Variants in COL7A1 observed in about 807,000 individuals in gnomAD.
COL7A1 encodes the protein collagen alpha-1(VII) chain.
In COL7A1, 296 loss-of-function variants were observed where a neutral mutation model predicts 456.2. The observed-to-expected ratio is 0.65, with a 90% CI of 0.59 to 0.71. The LOEUF (loss-of-function observed/expected upper bound fraction) is 0.71. Among genes scored for constraint, COL7A1 ranks in the 30% least tolerant of loss-of-function variants. The probability of loss-of-function intolerance (pLI) is 0.00; values close to 1 mark genes in which losing one functional copy is unlikely to be tolerated. For synonymous variants in COL7A1, 1,464 were observed against 1,525.9 expected, an observed-to-expected ratio of 0.96 and a Z score of 0.95; for missense variants, 3,441 against 4,017.2, an observed-to-expected ratio of 0.86 and a Z score of 3.88.
At position 48,575,772 on chromosome 3, in the gene COL7A1, G is replaced by A; in HGVS notation, c.5857-24C>T. 2 of 1,614,058 alleles carry A rather than the reference G, an allele frequency of 1.2e-6. No individual in the cohort carries two copies. On this transcript the variant is annotated intron_variant, in intron 72 of 118. Coordinates refer to ENST00000681320, the MANE Select transcript of COL7A1 (RefSeq NM_000094.4). This position sits in a 1 kb window ranked among gnomAD's most constrained non-coding sequence, Gnocchi z 6.3. ...GCCTGAGGGACAGCAAGAGGTCAGA[G>A]GAGCGGGGTGCGTCGCCGCAGCCCC... is the stretch of plus-strand genomic sequence containing the variant.
Position 48,583,792 on chromosome 3 carries a change from T to A in COL7A1, c.4279-12A>T. ...CTTCCGGGAAGACCCTAGGAAGAAGTGAGTAAAAATATGAGCCAAGAACTA... is the reference window on the plus strand; with the variant it reads ...CTTCCGGGAAGACCCTAGGAAGAAGAGAGTAAAAATATGAGCCAAGAACTA... On this transcript the variant is annotated splice_polypyrimidine_tract_variant and intron_variant, in intron 39 of 118. Transcript: ENST00000681320. This position sits in a 1 kb window ranked among gnomAD's most constrained non-coding sequence, Gnocchi z 5.1. 6.2e-7 allele frequency: 1 copy of A among 1,612,938 alleles called. No individual in the cohort carries two copies. The highest frequency in any genetic ancestry group is 8.5e-7 in the Non-Finnish European group (1 of 1,179,734).
chr3:48,576,724 T>C lies in COL7A1; in HGVS notation c.5652A>G (p.Gly1884=), dbSNP rs2044329545. ...CTGGGAGGCCTGGAGGCCCCTGGGG[T>C]CCAAGGATACCAGGAGCTCCACGCT... The part of the protein sequence containing the change: ...KGERGAPGIL[G]PQGPPGLPGP... Residue 1884 remains glycine (G), a synonymous_variant, in exon 68 of 119, where the codon GGA becomes GGG. Coordinates refer to ENST00000681320, the MANE Select transcript of COL7A1 (RefSeq NM_000094.4). 1.9e-6 allele frequency: 3 copies of C among 1,611,060 alleles called. No individual in the cohort carries two copies. The highest frequency in any genetic ancestry group is 1.7e-6 in the Non-Finnish European group (2 of 1,179,020).
At position 48,575,575 on chromosome 3, in the gene COL7A1, C is replaced by T; in HGVS notation, c.5980-36G>A. The T allele has an allele frequency of 6.2e-7, 1 of 1,612,476 alleles. No homozygotes were observed. Among genetic ancestry groups the T allele is most frequent in the Non-Finnish European group, 8.5e-7 (1 of 1,179,994 alleles). On this transcript the variant is annotated intron_variant, in intron 73 of 118. Coordinates refer to ENST00000681320, the MANE Select transcript of COL7A1 (RefSeq NM_000094.4). The surrounding 1 kb of genome is among the most constrained non-coding windows in gnomAD (Gnocchi z 6.3). ...GGAAGAGAGAATGCTGGTGGCTGTACAGCTACACCCCACTCCACGGGGCAC... is the reference window on the plus strand; with the variant it reads ...GGAAGAGAGAATGCTGGTGGCTGTATAGCTACACCCCACTCCACGGGGCAC...
chr3:48,570,252 G>A lies in COL7A1; in HGVS notation c.7440+23C>T. On this transcript the variant is annotated intron_variant, in intron 98 of 118. Coordinates refer to ENST00000681320, the MANE Select transcript of COL7A1 (RefSeq NM_000094.4). The surrounding 1 kb of genome is among the most constrained non-coding windows in gnomAD (Gnocchi z 5.5). The stretch of plus-strand genomic sequence containing the variant: ...CAAGAGCTGGGATGAAGGGAGTTCG[G>A]CTGTGGAGTAAGACATACGTACCCG... 6.2e-7 allele frequency: 1 copy of A among 1,613,912 alleles called. No individual in the cohort carries two copies. The highest frequency in any genetic ancestry group is 8.5e-7 in the Non-Finnish European group (1 of 1,179,936).
At position 48,578,436 on chromosome 3, in the gene COL7A1, T is replaced by C; in HGVS notation, c.5487+17A>G. 1 of 1,613,322 alleles carries C rather than the reference T, an allele frequency of 6.2e-7. No homozygotes were observed. Among genetic ancestry groups the C allele is most frequent in the Non-Finnish European group, 8.5e-7 (1 of 1,179,994 alleles). On this transcript the variant is annotated intron_variant, in intron 64 of 118. Coordinates refer to ENST00000681320, the MANE Select transcript of COL7A1 (RefSeq NM_000094.4). The surrounding 1 kb of genome is among the most constrained non-coding windows in gnomAD (Gnocchi z 4.7). ...TAGTAAGGGGGAAAAGGGGGTAACA[T>C]GAAAGTCTGGTCTCACCGGTAATCC...
chr3:48,571,110 TG>T lies in COL7A1; in HGVS notation c.7154del (p.Pro2385GlnfsTer3), dbSNP rs909040709. On this transcript the variant is annotated frameshift_variant, in exon 94 of 119. Transcript: ENST00000681320. LOFTEE classifies it high-confidence loss of function. The surrounding 1 kb of genome is among the most constrained non-coding windows in gnomAD (Gnocchi z 4.6). ...TGGGGCATTGACTTACCTTCACACC[TG>T]GAGGGCCAGGAGGCCCAGGGGAGCC... Reference protein sequence around the residue: ...VPGSPGPPGPPGVKGDLGLPG... With the variant: ...VPGSPGPPGPXGVKGDLGLPG... 3 of 1,613,744 alleles carry T rather than the reference TG, an allele frequency of 1.9e-6. No homozygotes were observed. The highest frequency in any genetic ancestry group is 2.5e-6 in the Non-Finnish European group (3 of 1,179,916).
intron 34 of COL7A1, 27 bp downstream of exon 34, chr3:48,584,883 G>GAGAGCAAAGAAGGGAAGGCACCTTAC (rs768747793): frequency 6.2e-7 from 1 of 1,613,920 alleles, no homozygotes; most frequent in African/African-American, 1.3e-5. Flanking sequence ...AAGACACTTA[G>GAGAGCAAAGAAGGGAAGGCACCTTAC]AGAGCAAAGA....
At position 48,593,317 on chromosome 3, in the gene COL7A1, C is replaced by A; in HGVS notation, c.520+39G>T. 6.2e-7 allele frequency: 1 copy of A among 1,614,022 alleles called. No homozygotes were observed. Among genetic ancestry groups the A allele is most frequent in the Non-Finnish European group, 8.5e-7 (1 of 1,179,974 alleles). On this transcript the variant is annotated intron_variant, in intron 5 of 118. Transcript: ENST00000681320. This position sits in a 1 kb window ranked among gnomAD's most constrained non-coding sequence, Gnocchi z 4.4. The stretch of plus-strand genomic sequence containing the variant: ...CACCCACATGCTCTCTGACTGCCCC[C>A]ACCCCCCAGCTGACCTGTCACTCCT...
rs1201807690 is a variant in COL7A1 at position 48,570,250 on chromosome 3, C to T, written c.7440+25G>A. 5.0e-6 allele frequency: 8 copies of T among 1,613,902 alleles called. No individual in the cohort carries two copies. Among genetic ancestry groups the T allele is most frequent in the South Asian group, 3.3e-5 (3 of 91,066 alleles). ...GGCAAGAGCTGGGATGAAGGGAGTT[C>T]GGCTGTGGAGTAAGACATACGTACC... On this transcript the variant is annotated intron_variant, in intron 98 of 118. Coordinates refer to ENST00000681320, the MANE Select transcript of COL7A1 (RefSeq NM_000094.4). The surrounding 1 kb of genome is among the most constrained non-coding windows in gnomAD (Gnocchi z 5.5).
rs886058637 is a variant in COL7A1, at chr3:48,580,062, G to A, written c.5098-5C>T. 6.2e-6 allele frequency: 10 copies of A among 1,613,776 alleles called. No homozygotes were observed. The highest frequency in any genetic ancestry group is 1.1e-5 in the South Asian group (1 of 91,082). ...TCCCGGGGGTCCTGGGGGACCCTGG[G>A]AAAGGAAATGATTATAGTCAATAGG... On this transcript the variant is annotated splice_region_variant and splice_polypyrimidine_tract_variant and intron_variant, in intron 56 of 118. Coordinates refer to ENST00000681320, the MANE Select transcript of COL7A1 (RefSeq NM_000094.4). The surrounding 1 kb of genome is among the most constrained non-coding windows in gnomAD (Gnocchi z 4.5).
At position 48,570,258 on chromosome 3, in the gene COL7A1, G is replaced by T; in HGVS notation, c.7440+17C>A. The T allele has an allele frequency of 6.2e-7, 1 of 1,613,896 alleles. No homozygotes were observed. The highest frequency in any genetic ancestry group is 8.5e-7 in the Non-Finnish European group (1 of 1,179,928). ...CTGGGATGAAGGGAGTTCGGCTGTG[G>T]AGTAAGACATACGTACCCGGATGCC... On this transcript the variant is annotated intron_variant, in intron 98 of 118. Transcript: ENST00000681320. The surrounding 1 kb of genome is among the most constrained non-coding windows in gnomAD (Gnocchi z 5.5).
At position 48,568,607 on chromosome 3, in the gene COL7A1, G is replaced by C; in HGVS notation, c.7759-73C>G. On this transcript the variant is annotated intron_variant, in intron 104 of 118. Transcript: ENST00000681320. This position sits in a 1 kb window ranked among gnomAD's most constrained non-coding sequence, Gnocchi z 5.2. Reference sequence around the variant, plus strand: ...CACTGGCCCATCCGCTGCATGTGTGGCCACTCAGATGCTCAGCGGCCAGGG... The same window carrying C: ...CACTGGCCCATCCGCTGCATGTGTGCCCACTCAGATGCTCAGCGGCCAGGG... The C allele has an allele frequency of 6.5e-7, 1 of 1,544,856 alleles. No homozygotes were observed. Among genetic ancestry groups the C allele is most frequent in the Non-Finnish European group, 8.8e-7 (1 of 1,134,408 alleles).
In COL7A1 at chr3:48,579,232, C is replaced by T; in HGVS notation, c.5353G>A (p.Gly1785Arg). The T allele has an allele frequency of 6.2e-7, 1 of 1,613,840 alleles. No individual in the cohort carries two copies. The highest frequency in any genetic ancestry group is 1.1e-5 in the South Asian group (1 of 91,084). Residue 1785 changes from glycine to arginine, a missense_variant, in exon 62 of 119, where the codon GGG becomes AGG. By Grantham distance (125) the Gly-to-Arg change is moderately radical. Transcript: ENST00000681320. This position sits in a 1 kb window ranked among gnomAD's most constrained non-coding sequence, Gnocchi z 4.4. The stretch of plus-strand genomic sequence containing the variant: ...GAGGGCCCAGCGGCTCCTGGTTTCC[C>T]ATCCAGTCCGCTCCGGCCATCCAGC... ...PGLDGRSGLD[G>R]KPGAAGPSGP...
rs146903823 is a variant in COL7A1, at chr3:48,585,614, C to T, written c.3837G>A (p.Arg1279=). The T allele has an allele frequency of 3.5e-5, 57 of 1,613,988 alleles. No homozygotes were observed. The highest frequency in any genetic ancestry group is 3.3e-4 in the Middle Eastern group (2 of 6,062). Residue 1279 remains arginine (R), a synonymous_variant, in exon 32 of 119, where the codon AGG becomes AGA. Transcript: ENST00000681320. The surrounding 1 kb of genome is among the most constrained non-coding windows in gnomAD (Gnocchi z 4.5). ...GPPGDPGLPG[R]TGAPGPQGPP... is the part of the protein sequence containing the mutation. ...GCCCCTGGGGGCCGGGAGCACCGGTCCTGCCCTGAAAGAAGATAGCAGTTA... is the reference window on the plus strand; with the variant it reads ...GCCCCTGGGGGCCGGGAGCACCGGTTCTGCCCTGAAAGAAGATAGCAGTTA...
rs200051107 is a variant in COL7A1 at position 48,585,703 on chromosome 3, T to G, written c.3818A>C (p.Asp1273Ala). Residue 1273 changes from aspartate (D) to alanine (A), a missense_variant, in exon 31 of 119, where the codon GAC becomes GCC. Around this residue, in one of 3 missense-constraint regions of COL7A1, gnomAD observed 2,084 missense variants for 2,501.3 expected, o/e 0.83. Transcript: ENST00000681320. The surrounding 1 kb of genome is among the most constrained non-coding windows in gnomAD (Gnocchi z 4.5). ...GGGGACACTCACCGGGAGGCCAGGG[T>G]CGCCAGGAGGCCCAACTTGTCCTCT... ...GLRGQVGPPG[D>A]PGLPGRTGAP... 6 of 1,613,772 alleles carry G rather than the reference T, an allele frequency of 3.7e-6. No homozygotes were observed. In the East Asian group the frequency reaches 1.1e-4, roughly 30 times the overall value.
rs147177277 is a variant in COL7A1 at position 48,593,192 on chromosome 3, C to T, written c.592G>A (p.Val198Ile). The part of the protein sequence containing the change: ...SQPTSDFFFF[V>I]NDFSILRTLL... ...GTCCTCAAGATGCTGAAGTCATTGA[C>T]GAAGAAGAAGAAGTCACTGGTGGGC... The change falls in exon 6 of 119, where the codon GTC becomes ATC. Residue 198 changes from valine (V) to isoleucine (I), a missense_variant. This residue lies in a region of COL7A1 where 913 missense variants were observed against 1,088.2 expected (regional missense o/e 0.84). Transcript: ENST00000681320. The surrounding 1 kb of genome is among the most constrained non-coding windows in gnomAD (Gnocchi z 4.4). The T allele has an allele frequency of 4.9e-4, 794 of 1,614,040 alleles. No homozygotes were observed. The highest frequency in any genetic ancestry group is 9.7e-4 in the Admixed American group (58 of 60,006).
chr3:48,580,702 G>GC lies in COL7A1; in HGVS notation c.4981-51dup, dbSNP rs1560232034. ...CAGACCCTCCCAATATTTTGCAGGT[G>GC]CCCCTATGACCCGCTACACTGCCCC... On this transcript the variant is annotated intron_variant, in intron 54 of 118. Transcript: ENST00000681320. The surrounding 1 kb of genome is among the most constrained non-coding windows in gnomAD (Gnocchi z 4.5). 6.2e-7 allele frequency: 1 copy of GC among 1,600,750 alleles called. No individual in the cohort carries two copies. The highest frequency in any genetic ancestry group is 8.6e-7 in the Non-Finnish European group (1 of 1,168,830).
At position 48,571,405 on chromosome 3, in the gene COL7A1, C is replaced by T. The variant is rs909041842; in HGVS notation, c.7069-127G>A. 2.5e-6 allele frequency: 3 copies of T among 1,214,300 alleles called. No homozygotes were observed. The African/African-American group carries it at 4.5e-5, about 18-fold the overall frequency. 75.2% of individuals were successfully genotyped at this position (1,214,300 alleles called of 1,614,324 possible). ...AACACATGGGAACTCAGACATGCGA[C>T]CAAGAATTGGCTCACAGGAGCTCAG... On this transcript the variant is annotated intron_variant, in intron 92 of 118. Coordinates refer to ENST00000681320, the MANE Select transcript of COL7A1 (RefSeq NM_000094.4). This position sits in a 1 kb window ranked among gnomAD's most constrained non-coding sequence, Gnocchi z 4.6.
Position 48,591,236 on chromosome 3 carries a change from C to T in COL7A1, c.1636+228G>A, listed in dbSNP as rs926854550. Among the ~76,000 whole-genome samples the T allele has an allele frequency of 6.6e-6, 1 of 151,828 alleles. No individual in the cohort carries two copies. Among genetic ancestry groups the T allele is most frequent in the African/African-American group, 2.4e-5 (1 of 41,276 alleles). ...CTTGTGGCTGTGCAGAGGTGAAAGCCGTGGATGGGGTGTGGGGCAGGGAGG... is the reference window on the plus strand; with the variant it reads ...CTTGTGGCTGTGCAGAGGTGAAAGCTGTGGATGGGGTGTGGGGCAGGGAGG... On this transcript the variant is annotated intron_variant, in intron 13 of 118. Coordinates refer to ENST00000681320, the MANE Select transcript of COL7A1 (RefSeq NM_000094.4). This position sits in a 1 kb window ranked among gnomAD's most constrained non-coding sequence, Gnocchi z 7.0.
Sources: allele counts gnomAD v4.1 joint callset (sites outside exome capture counted in the v4.1 genomes callset), GRCh38; gene constraint gnomAD v4.1.1; regional missense constraint gnomAD v4.1.1; non-coding constraint Gnocchi (gnomAD v3.1); transcripts MANE v1.5; gene names NCBI Gene and HGNC (gene_info 2026-07-23, HGNC 2026-07-21).